SUMF1: variants seen among roughly 807,000 people sequenced by gnomAD.
SUMF1 encodes formylglycine-generating enzyme.
Under a neutral mutation model 47.6 loss-of-function variants are expected in SUMF1, and 48 were observed. That is an observed-to-expected ratio of 1.01 (90% CI 0.80 to 1.28). The LOEUF is 1.28. SUMF1 is among the 50% of genes most tolerant of loss of function. The pLI, the probability that SUMF1 is intolerant of heterozygous loss-of-function variation, is 0.00. For missense variants in SUMF1, 571 were observed against 485.4 expected (o/e 1.18, Z -1.66); for synonymous variants, 230 against 192.1 (o/e 1.20, Z -1.63).
intron 8 of SUMF1, among the ~76,000 whole-genome samples, chr3:4,092,061 C>G (rs1220002098): frequency 6.6e-6 from 1 of 151,992 alleles, no homozygotes; most frequent in African/African-American, 2.4e-5. Flanking sequence ...GGTATCCTGG[C>G]CAGCTGCTTC....
chr3:4,422,294 A>G (rs1216791168), intron 3 of SUMF1, among the ~76,000 whole-genome samples: 1 of 152,152 alleles, frequency 6.6e-6, no homozygotes, highest in Admixed American at 6.5e-5. Context: ...GTGTTTCAGG[A>G]GGATCCTCAG....
chr3:4,138,645 C>T (rs569914550), intron 8 of SUMF1, among the ~76,000 whole-genome samples: 18 of 152,208 alleles, frequency 1.2e-4, no homozygotes, highest in South Asian at 8.3e-4. Flanking sequence ...GATGAGGTAA[C>T]GCCATCCAGG....
At chr3:4,317,105 C>A (rs753262521) in intron 8 of SUMF1, 4 of 1,545,610 alleles carry the variant, frequency 2.6e-6, no homozygotes, top group Non-Finnish European at 3.5e-6. Flanking sequence ...AGGGAAAACG[C>A]TTCCACAACC....
At chr3:4,241,588 T>C (rs1229227362) in intron 8 of SUMF1, among the ~76,000 whole-genome samples, 1 of 152,182 alleles carries the variant, frequency 6.6e-6, no homozygotes, top group Non-Finnish European at 1.5e-5. Flanking sequence ...TGCTAAACAA[T>C]GTATTTTATA....
chr3:4,059,368 A>G (rs1695241791), intron 9 of SUMF1, among the ~76,000 whole-genome samples: 1 of 152,108 alleles, frequency 6.6e-6, no homozygotes, highest in Non-Finnish European at 1.5e-5. Flanking sequence ...GGAGGAGGAA[A>G]AGAAGGCCCT....
rs181941405 is a variant in SUMF1 at position 4,240,302 on chromosome 3, T to C, written c.1014+136028A>G. On this transcript the variant is annotated intron_variant and NMD_transcript_variant, in intron 8 of 12. Transcript: ENST00000448413. ...GCCTCATAAAATAAGTTAGGGAGGA[T>C]TCCCTCTTTTTCTATTGTTTGGAAT... 1.7e-4 allele frequency among the ~76,000 whole-genome samples: 26 copies of C among 152,264 alleles called. No individual in the cohort carries two copies. In the East Asian group the frequency reaches 2.3e-3, roughly 14 times the overall value.
intron 8 of SUMF1, among the ~76,000 whole-genome samples, chr3:4,243,760 C>T (rs1455624715): frequency 6.6e-6 from 1 of 152,090 alleles, no homozygotes; most frequent in African/African-American, 2.4e-5. Flanking sequence ...TTGAAGAGTT[C>T]TGAAGATATC....
At chr3:4,069,870 C>T (rs1019463917) in intron 8 of SUMF1, among the ~76,000 whole-genome samples, 3 of 152,182 alleles carry the variant, frequency 2.0e-5, no homozygotes, top group Non-Finnish European at 4.4e-5. Flanking sequence ...TGGGAAAAAT[C>T]CACATCCTAT....
intron 2 of SUMF1, among the ~76,000 whole-genome samples, chr3:4,449,988 T>C (rs1305918391): frequency 6.6e-6 from 1 of 152,236 alleles, no homozygotes; most frequent in African/African-American, 2.4e-5. Flanking sequence ...TCCTAAAATA[T>C]GTGGGCTCTT....
chr3:4,229,812 G>C (rs1053832296), intron 8 of SUMF1, among the ~76,000 whole-genome samples: 3 of 151,938 alleles, frequency 2.0e-5, no homozygotes, highest in African/African-American at 7.3e-5. Flanking sequence ...CAAAGAGTTT[G>C]AGACCAGCCT....
At chr3:4,366,796 T>A (rs915849033) in intron 8 of SUMF1, among the ~76,000 whole-genome samples, 4 of 92,066 alleles carry the variant, frequency 4.3e-5, no homozygotes, top group African/African-American at 1.4e-4. Context: ...GGCGCTCTGC[T>A]TTTTAAGAGT....
intron 8 of SUMF1, among the ~76,000 whole-genome samples, chr3:4,186,430 C>G (rs1276055798): frequency 6.6e-6 from 1 of 152,060 alleles, no homozygotes; most frequent in Non-Finnish European, 1.5e-5. Context: ...AGTGGCTTAT[C>G]ATAATATGCT....
At chr3:4,075,291 G>T (rs112569313) in intron 8 of SUMF1, among the ~76,000 whole-genome samples, 15,827 of 151,908 alleles carry the variant, frequency 0.1, 1,736 homozygotes, top group African/African-American at 0.25. Flanking sequence ...AAATTCAACA[G>T]CCCTTCATGC....
chr3:4,187,157 G>T lies in SUMF1; in HGVS notation c.1015-118412C>A, dbSNP rs6768018. ...GGCTGAGGTGGGAGGACTGCTTGAA[G>T]CCAGGAGTATGAGACCAGCCTGGGC... On this transcript the variant is annotated intron_variant and NMD_transcript_variant, in intron 8 of 12. Coordinates refer to the SUMF1 transcript ENST00000448413. Among the ~76,000 whole-genome samples the T allele has an allele frequency of 2.8e-3, 425 of 152,096 alleles. 3 individuals are homozygous for T. Among genetic ancestry groups the T allele is most frequent in the African/African-American group, 9.5e-3 (395 of 41,512 alleles).
rs184645431 is a variant in SUMF1, at chr3:4,189,908, A to G, written c.1015-121163T>C. On this transcript the variant is annotated intron_variant and NMD_transcript_variant, in intron 8 of 12. Coordinates refer to the SUMF1 transcript ENST00000448413. The stretch of plus-strand genomic sequence containing the variant: ...CAAACTGCCTTTTCTGCCTCATGTA[A>G]AGTGTCTGCTTTCATCTGAGCATCT... Among the ~76,000 whole-genome samples the G allele has an allele frequency of 2.7e-4, 41 of 152,144 alleles. No homozygotes were observed. The East Asian group carries it at 5.8e-3, about 22-fold the overall frequency.
intron 8 of SUMF1, among the ~76,000 whole-genome samples, chr3:4,343,356 A>G (rs1699311070): frequency 6.6e-6 from 1 of 152,262 alleles, no homozygotes; most frequent in African/African-American, 2.4e-5. Context: ...CATGGCAATT[A>G]CACACAGTTA....
intron 8 of SUMF1, among the ~76,000 whole-genome samples, chr3:4,083,761 G>A (rs577721277): frequency 6.6e-6 from 1 of 151,738 alleles, no homozygotes; most frequent in Admixed American, 6.6e-5. Context: ...TATATTCTGT[G>A]GGAGAGATAA....
At chr3:4,349,436 A>C in intron 8 of SUMF1, among the ~76,000 whole-genome samples, 1 of 152,348 alleles carries the variant, frequency 6.6e-6, no homozygotes, top group East Asian at 1.9e-4. Context: ...TGATTCCCCA[A>C]GGATCTAGAA....
chr3:4,294,893 G>A (rs566851848), intron 8 of SUMF1, among the ~76,000 whole-genome samples: 3 of 149,428 alleles, frequency 2.0e-5, no homozygotes, highest in Non-Finnish European at 4.5e-5. Flanking sequence ...TGTGAGGAGA[G>A]TAAAAAGGAG....
Sources: allele counts gnomAD v4.1 joint callset (sites outside exome capture counted in the v4.1 genomes callset), GRCh38; gene constraint gnomAD v4.1.1; transcripts MANE v1.5; gene names NCBI Gene and HGNC (gene_info 2026-07-23, HGNC 2026-07-21).